Variants in RIMS4 observed in about 807,000 individuals in gnomAD.
RIMS4 encodes the protein regulating synaptic membrane exocytosis protein 4.
In RIMS4, 9 loss-of-function variants were observed where a neutral mutation model predicts 29.0. The ratio of observed to expected loss-of-function variants is 0.31; its 90% CI spans 0.19 to 0.54. The LOEUF (loss-of-function observed/expected upper bound fraction) is 0.54. RIMS4 is among the 20% of genes least tolerant of loss of function. The pLI is 0.94. For synonymous variants in RIMS4, 130 were observed against 152.9 expected, an observed-to-expected ratio of 0.85 and a Z score of 1.10; for missense variants, 193 against 365.7, an observed-to-expected ratio of 0.53 and a Z score of 3.85.
intron 1 of RIMS4, among the ~76,000 whole-genome samples, chr20:44,781,064 T>C (rs573565962): frequency 6.6e-6 from 1 of 152,334 alleles, no homozygotes; most frequent in East Asian, 1.9e-4. Flanking sequence ...TGTTCTTGTC[T>C]CTGGGGATTT....
intron 1 of RIMS4, among the ~76,000 whole-genome samples, chr20:44,780,935 C>T (rs1166364721): frequency 2.0e-5 from 3 of 152,158 alleles, no homozygotes; most frequent in Non-Finnish European, 4.4e-5. Flanking sequence ...TGAGAATCAA[C>T]TGGGTAATAA....
chr20:44,779,350 T>C (rs1003543162), intron 1 of RIMS4, among the ~76,000 whole-genome samples: 2 of 152,310 alleles, frequency 1.3e-5, no homozygotes, highest in Admixed American at 6.5e-5. Context: ...AGCACCCAGA[T>C]CAAGAAGCAG....
rs1448522736 is a variant in RIMS4 at position 44,755,437 on chromosome 20, G to A, written c.*697C>T. On this transcript the variant is annotated 3_prime_UTR_variant, in exon 6 of 6. Coordinates refer to ENST00000372851, the MANE Select transcript of RIMS4 (RefSeq NM_182970.4). ...AGCTTGTTGCAATCCCATGGAGCGA[G>A]GCACCTAGGGGTCTGTGCCAGGCCC... 1 of 152,662 alleles carries A rather than the reference G, an allele frequency of 6.6e-6. No individual in the cohort carries two copies. The highest frequency in any genetic ancestry group is 1.5e-5 in the Non-Finnish European group (1 of 68,070). The allele number at this position is 152,662 out of a possible 1,614,324, so 9.5% of individuals were successfully genotyped here.
At chr20:44,798,990 G>A (rs1309289431) in intron 1 of RIMS4, among the ~76,000 whole-genome samples, 1 of 152,228 alleles carries the variant, frequency 6.6e-6, no homozygotes, top group African/African-American at 2.4e-5. Context: ...GGAAAGTCCA[G>A]AGAAGAAGGT....
intron 1 of RIMS4, among the ~76,000 whole-genome samples, chr20:44,774,559 C>T (rs372539175): frequency 5.9e-5 from 9 of 152,228 alleles, no homozygotes; most frequent in African/African-American, 2.2e-4. Flanking sequence ...AGCTTTGGGA[C>T]TCAGACTGGC....
intron 1 of RIMS4, among the ~76,000 whole-genome samples, chr20:44,784,611 C>T (rs772897250): frequency 5.3e-5 from 8 of 152,372 alleles, no homozygotes; most frequent in Non-Finnish European, 1.0e-4. Flanking sequence ...GCAGCTAACC[C>T]AGTGTCCACT....
chr20:44,769,469 G>A (rs1568897270), intron 2 of RIMS4, among the ~76,000 whole-genome samples: 1 of 152,192 alleles, frequency 6.6e-6, no homozygotes, highest in South Asian at 2.1e-4. Context: ...CCAGGGGCAT[G>A]AGTGGCAGAG....
rs1288556403 is a variant in RIMS4 at position 44,756,459 on chromosome 20, C to T, written c.592-107G>A. 4.9e-5 allele frequency: 43 copies of T among 872,264 alleles called. No individual in the cohort carries two copies. Among genetic ancestry groups the T allele is most frequent in the Non-Finnish European group, 7.7e-5 (43 of 556,280 alleles). The allele number at this position is 872,264 out of a possible 1,614,324, so 54.0% of individuals were successfully genotyped here. A position where few individuals can be genotyped will look rare whatever the true frequency, so the allele number is the denominator to read the frequency against. ...CCAATCCAGCTCAGTCCTGTGATTT[C>T]TACCTCCTTAAAACTGCAATTCCTC... On this transcript the variant is annotated intron_variant, in intron 5 of 5. Transcript: ENST00000372851. This position sits in a 1 kb window ranked among gnomAD's most constrained non-coding sequence, Gnocchi z 5.9.
chr20:44,764,998 A>G (rs2066107649), intron 2 of RIMS4, among the ~76,000 whole-genome samples: 1 of 152,210 alleles, frequency 6.6e-6, no homozygotes, highest in Non-Finnish European at 1.5e-5. Flanking sequence ...ACTCATCTTG[A>G]GCCAAGCACT....
chr20:44,782,239 T>G (rs2145463319), intron 1 of RIMS4, among the ~76,000 whole-genome samples: 1 of 152,342 alleles, frequency 6.6e-6, no homozygotes, highest in African/African-American at 2.4e-5. Flanking sequence ...TTTCAGTGGC[T>G]TACAGAACAA....
chr20:44,776,910 T>G (rs1053425732), intron 1 of RIMS4, among the ~76,000 whole-genome samples: 2 of 152,186 alleles, frequency 1.3e-5, no homozygotes, highest in African/African-American at 4.8e-5. Flanking sequence ...CATGCACGAC[T>G]ACTAATGGTG....
At chr20:44,773,494 C>G (rs1379166277) in intron 1 of RIMS4, among the ~76,000 whole-genome samples, 1 of 151,702 alleles carries the variant, frequency 6.6e-6, no homozygotes, top group Non-Finnish European at 1.5e-5. Flanking sequence ...ACAAACACCC[C>G]CCCCACACCC....
chr20:44,768,231 G>A (rs2066122072), intron 2 of RIMS4, among the ~76,000 whole-genome samples: 2 of 152,338 alleles, frequency 1.3e-5, no homozygotes, highest in African/African-American at 4.8e-5. Flanking sequence ...TGGAGGACAA[G>A]GTATCTGAGG....
chr20:44,764,214 C>T (rs370378957), intron 2 of RIMS4, among the ~76,000 whole-genome samples: 36 of 124,544 alleles, frequency 2.9e-4, no homozygotes, highest in South Asian at 8.1e-4. Context: ...ATCCATCCAC[C>T]CATCCATCCA....
chr20:44,762,709 G>A (rs1470728588), intron 2 of RIMS4, among the ~76,000 whole-genome samples: 1 of 152,172 alleles, frequency 6.6e-6, no homozygotes, highest in African/African-American at 2.4e-5. Flanking sequence ...CAGAAACCCT[G>A]AATAGGTTAT....
chr20:44,804,337 G>C (rs965872716), intron 1 of RIMS4, among the ~76,000 whole-genome samples: 8 of 152,164 alleles, frequency 5.3e-5, no homozygotes, highest in Non-Finnish European at 1.5e-5. Flanking sequence ...TAAGAGACTT[G>C]CTTGAGGTCA....
intron 2 of RIMS4, among the ~76,000 whole-genome samples, chr20:44,759,912 T>C (rs907122883): frequency 1.3e-5 from 2 of 152,192 alleles, no homozygotes; most frequent in Non-Finnish European, 2.9e-5. Flanking sequence ...CTGAGTGCTT[T>C]CCCTTTTCCT....
intron 1 of RIMS4, among the ~76,000 whole-genome samples, chr20:44,787,697 GAAA>G (rs74852845): frequency 1.6e-5 from 2 of 123,786 alleles, no homozygotes; most frequent in Admixed American, 8.1e-5. Context: ...TTTTCTCCAG[GAAA>G]AAAAAAAAAA....
At chr20:44,766,455 T>C (rs1333655305) in intron 2 of RIMS4, among the ~76,000 whole-genome samples, 2 of 151,942 alleles carry the variant, frequency 1.3e-5, no homozygotes, top group Non-Finnish European at 2.9e-5. Flanking sequence ...AGTCCCCACA[T>C]GGATGGGGAC....
Sources: allele counts gnomAD v4.1 joint callset (sites outside exome capture counted in the v4.1 genomes callset), GRCh38; gene constraint gnomAD v4.1.1; non-coding constraint Gnocchi (gnomAD v3.1); transcripts MANE v1.5; gene names NCBI Gene and HGNC (gene_info 2026-07-23, HGNC 2026-07-21).